TMPRSS12: variants seen among roughly 807,000 people sequenced by gnomAD.
The protein encoded by TMPRSS12 is transmembrane protease serine 12.
In TMPRSS12, 25 loss-of-function variants were observed where a neutral mutation model predicts 26.0. The observed-to-expected ratio is 0.96, with a 90% confidence interval of 0.70 to 1.34. The LOEUF is 1.34. TMPRSS12 is among the 40% of genes most tolerant of loss of function. The probability of loss-of-function intolerance (pLI) is 0.00; values close to 1 mark genes in which losing one functional copy is unlikely to be tolerated. For missense variants in TMPRSS12, 441 were observed against 440.1 expected (o/e 1.00, Z -0.02); for synonymous variants, 150 against 161.7 (o/e 0.93, Z 0.55).
chr12:50,859,144 A>G, intron 3 of TMPRSS12, 91 bp downstream of exon 3: 3 of 1,228,134 alleles, frequency 2.4e-6, no homozygotes, highest in Non-Finnish European at 3.3e-6. Context: ...GTGCCACATA[A>G]TGACATTTAA....
chr12:50,875,361 C>T (rs960694147), intron 3 of TMPRSS12, among the ~76,000 whole-genome samples: 6 of 151,598 alleles, frequency 4.0e-5, no homozygotes, highest in African/African-American at 1.5e-4. Context: ...TGTGGTGGCA[C>T]ACACCTGTAA....
chr12:50,857,680 C>T (rs1181873645), intron 2 of TMPRSS12, among the ~76,000 whole-genome samples: 1 of 152,054 alleles, frequency 6.6e-6, no homozygotes, highest in Non-Finnish European at 1.5e-5. Flanking sequence ...TTTAAGATGG[C>T]CAAGATCGAT....
At chr12:50,859,198 T>G (rs1937911431) in intron 3 of TMPRSS12, 145 bp downstream of exon 3, 1 of 796,748 alleles carries the variant, frequency 1.3e-6, no homozygotes, top group Non-Finnish European at 1.8e-6. Context: ...ATAAGATTAT[T>G]TTTCCGTATT....
intron 2 of TMPRSS12, among the ~76,000 whole-genome samples, chr12:50,850,518 T>C (rs1378140756): frequency 1.3e-5 from 2 of 152,166 alleles, no homozygotes. Flanking sequence ...GGGTTGACGC[T>C]GCAGTGAGCC....
At chr12:50,872,318 C>T (rs557917170) in intron 3 of TMPRSS12, among the ~76,000 whole-genome samples, 4 of 149,444 alleles carry the variant, frequency 2.7e-5, no homozygotes, top group African/African-American at 7.4e-5. Context: ...TCGAGACCAT[C>T]CTGGCTAACA....
intron 2 of TMPRSS12, chr12:50,847,902 T>A (rs11169593): frequency 0.32 from 46,960 of 148,448 alleles, 7,350 homozygotes; most frequent in East Asian, 0.5. Context: ...AGAGAAAAAA[T>A]ATATATATAT....
intron 2 of TMPRSS12, among the ~76,000 whole-genome samples, chr12:50,856,651 T>A (rs146721580): frequency 1.6e-4 from 22 of 138,240 alleles, no homozygotes; most frequent in African/African-American, 4.5e-4. Context: ...AAAAAAAAAA[T>A]AAGTAGAACA....
At chr12:50,846,549 TAGTA>T (rs1396759311) in intron 2 of TMPRSS12, among the ~76,000 whole-genome samples, 2 of 152,104 alleles carry the variant, frequency 1.3e-5, no homozygotes, top group South Asian at 2.1e-4. Context: ...TATGGATCTA[TAGTA>T]AGTATTTTTT....
intron 3 of TMPRSS12, among the ~76,000 whole-genome samples, chr12:50,874,002 T>C (rs531485970): frequency 2.0e-5 from 3 of 152,184 alleles, no homozygotes; most frequent in Non-Finnish European, 4.4e-5. Flanking sequence ...AATAAATTCC[T>C]AAAAGGAAAA....
At chr12:50,878,024 C>G (rs1436729862) in intron 3 of TMPRSS12, among the ~76,000 whole-genome samples, 1 of 152,114 alleles carries the variant, frequency 6.6e-6, no homozygotes, top group Non-Finnish European at 1.5e-5. Flanking sequence ...AAGACTTAAA[C>G]TAAATGGAGA....
At chr12:50,846,011 G>A (rs1230434714) in intron 2 of TMPRSS12, among the ~76,000 whole-genome samples, 4 of 152,066 alleles carry the variant, frequency 2.6e-5, no homozygotes, top group African/African-American at 7.2e-5. Flanking sequence ...TGAGTTGTAG[G>A]AGTTCTTTAT....
At chr12:50,885,661 A>ATT in intron 4 of TMPRSS12, 2 of 526,232 alleles carry the variant, frequency 3.8e-6, no homozygotes, top group Admixed American at 3.6e-5. Context: ...GTACAGCTCA[A>ATT]TTTTTTTTTT....
intron 2 of TMPRSS12, among the ~76,000 whole-genome samples, chr12:50,846,707 T>A (rs1393357458): frequency 6.6e-6 from 1 of 152,060 alleles, no homozygotes; most frequent in Admixed American, 6.6e-5. Context: ...GCCTCCTGAA[T>A]AGCTGGGACT....
At chr12:50,860,538 C>T (rs1937924798) in intron 3 of TMPRSS12, among the ~76,000 whole-genome samples, 1 of 152,194 alleles carries the variant, frequency 6.6e-6, no homozygotes, top group Admixed American at 6.5e-5. Context: ...GCTTCAGCCT[C>T]TCCAATAGCT....
At chr12:50,881,052 G>A (rs957179176) in intron 3 of TMPRSS12, among the ~76,000 whole-genome samples, 2 of 125,362 alleles carry the variant, frequency 1.6e-5, no homozygotes, top group Non-Finnish European at 3.1e-5. Flanking sequence ...CACAATCTCA[G>A]CTCACCACAA....
chr12:50,872,836 T>C lies in TMPRSS12; in HGVS notation c.653-12410T>C, dbSNP rs1259302673. Among the ~76,000 whole-genome samples, 2 of 19,948 alleles carry C rather than the reference T, an allele frequency of 1.0e-4. 1 individual carries two copies. The highest frequency in any genetic ancestry group is 4.2e-4 in the African/African-American group (2 of 4,816). The allele number at this position is 19,948 out of a possible 152,430, so 13.1% of individuals were successfully genotyped here. On this transcript the variant is annotated intron_variant, in intron 3 of 4. Coordinates refer to ENST00000398458, the MANE Select transcript of TMPRSS12 (RefSeq NM_182559.3). ...TATGACGTATATATGTACATATATATGACGTCTATATATGTACATATATAT... is the reference window on the plus strand; with the variant it reads ...TATGACGTATATATGTACATATATACGACGTCTATATATGTACATATATAT...
At chr12:50,850,881 A>G (rs965303043) in intron 2 of TMPRSS12, among the ~76,000 whole-genome samples, 8 of 152,214 alleles carry the variant, frequency 5.3e-5, no homozygotes, top group Non-Finnish European at 1.2e-4. Flanking sequence ...AGGCCAGAGT[A>G]CAAAGCCATG....
chr12:50,869,801 A>G (rs763224384), intron 3 of TMPRSS12, among the ~76,000 whole-genome samples: 1 of 152,172 alleles, frequency 6.6e-6, no homozygotes, highest in Non-Finnish European at 1.5e-5. Flanking sequence ...ATAATCCACC[A>G]GCTGGGCACA....
intron 3 of TMPRSS12, among the ~76,000 whole-genome samples, chr12:50,878,746 T>C (rs1052824357): frequency 3.9e-5 from 6 of 152,170 alleles, no homozygotes; most frequent in Non-Finnish European, 8.8e-5. Flanking sequence ...CTGGATATCC[T>C]TACGCCGCGA....
Sources: gnomAD v4.1 joint callset for allele counts (sites outside exome capture counted in the v4.1 genomes callset) on GRCh38, gnomAD v4.1.1 for gene constraint, MANE v1.5 for transcripts, NCBI Gene and HGNC (gene_info 2026-07-23, HGNC 2026-07-21) for gene names.